Variants in ZNF704 observed in about 807,000 individuals in gnomAD.
The protein encoded by ZNF704 is glucocorticoid induced gene 1.
ZNF704 carries 10 observed loss-of-function variants against 44.7 expected under a neutral mutation model. The observed-to-expected ratio is 0.22, with a 90% CI of 0.14 to 0.38. ZNF704 has a LOEUF of 0.38. Ranked by LOEUF, ZNF704 falls within the 10% of genes least tolerant of loss-of-function variation. ZNF704 has a pLI of 1.00. For missense variants in ZNF704, 390 were observed against 545.5 expected (o/e 0.71, Z 2.84); for synonymous variants, 211 against 207.6 (o/e 1.02, Z -0.14).
intron 2 of ZNF704, among the ~76,000 whole-genome samples, chr8:80,819,825 C>T (rs1326749506): frequency 6.6e-6 from 1 of 151,860 alleles, no homozygotes; most frequent in Non-Finnish European, 1.5e-5. Context: ...AACTAAGAGG[C>T]CTATAATTTT....
Position 80,630,461 on chromosome 8 carries a change from T to C in ZNF704, c.*10905A>G, listed in dbSNP as rs569722929. On this transcript the variant is annotated 3_prime_UTR_variant, in exon 9 of 9. Transcript: ENST00000327835. ...TTCTACTGATTGCATTTCCACTAAATACCCCATTTTAAATATTTAATAATT... is the reference window on the plus strand; with the variant it reads ...TTCTACTGATTGCATTTCCACTAAACACCCCATTTTAAATATTTAATAATT... 6.6e-6 allele frequency: 1 copy of C among 152,372 alleles called. No homozygotes were observed. The highest frequency in any genetic ancestry group is 1.5e-5 in the Non-Finnish European group (1 of 68,038). The allele number at this position is 152,372 out of a possible 1,614,324, so 9.4% of individuals were successfully genotyped here. A position where few individuals can be genotyped will look rare whatever the true frequency, so the allele number is the denominator to read the frequency against.
chr8:80,852,178 G>A (rs954887728), intron 1 of ZNF704, among the ~76,000 whole-genome samples: 3 of 152,032 alleles, frequency 2.0e-5, no homozygotes, highest in East Asian at 1.9e-4. Context: ...ATCATCTCTT[G>A]GACCTTTAAA....
chr8:80,715,044 G>A (rs1563528795), intron 2 of ZNF704, among the ~76,000 whole-genome samples: 2 of 152,086 alleles, frequency 1.3e-5, no homozygotes, highest in Non-Finnish European at 2.9e-5. Flanking sequence ...CCAAAACTCT[G>A]ACCCATCAAA....
chr8:80,776,451 A>G (rs1426185785), intron 2 of ZNF704, among the ~76,000 whole-genome samples: 2 of 152,240 alleles, frequency 1.3e-5, no homozygotes, highest in African/African-American at 4.8e-5. Context: ...GCAGTTATTT[A>G]CTACATTTAT....
At chr8:80,646,106 T>A (rs1309542724) in intron 7 of ZNF704, among the ~76,000 whole-genome samples, 1 of 152,214 alleles carries the variant, frequency 6.6e-6, no homozygotes, top group East Asian at 1.9e-4. Context: ...AGGTTGTTAG[T>A]CAGTAAATTT....
rs187513172 is a variant in ZNF704, at chr8:80,760,357, T to C, written c.221+61017A>G. Among the ~76,000 whole-genome samples, 9 of 152,254 alleles carry C rather than the reference T, an allele frequency of 5.9e-5. No homozygotes were observed. In the East Asian group the frequency reaches 1.4e-3, roughly 23 times the overall value. ...GCACCTGTATTAGTCTGTTCTTGCA[T>C]TGCTATAAAGAAATACCTGGCCGGG... On this transcript the variant is annotated intron_variant, in intron 2 of 8. Transcript: ENST00000327835.
At chr8:80,837,986 T>C (rs1808609789) in intron 1 of ZNF704, among the ~76,000 whole-genome samples, 1 of 152,104 alleles carries the variant, frequency 6.6e-6, no homozygotes, top group Non-Finnish European at 1.5e-5. Context: ...AAACCTATCA[T>C]ACATCAACAG....
intron 2 of ZNF704, among the ~76,000 whole-genome samples, chr8:80,707,396 C>G (rs1818914766): frequency 6.6e-6 from 1 of 152,076 alleles, no homozygotes; most frequent in Non-Finnish European, 1.5e-5. Context: ...GGATTATAGG[C>G]CGACTACTCA....
chr8:80,784,845 G>A (rs900370557), intron 2 of ZNF704, among the ~76,000 whole-genome samples: 11 of 150,884 alleles, frequency 7.3e-5, no homozygotes, highest in Non-Finnish European at 1.3e-4. Context: ...CTTTCTCCAA[G>A]TTATCTTTAA....
chr8:80,793,714 CAATT>C (rs1474488483), intron 2 of ZNF704, among the ~76,000 whole-genome samples: 4 of 151,816 alleles, frequency 2.6e-5, no homozygotes, highest in East Asian at 1.9e-4. Context: ...ATAATAAAAA[CAATT>C]AATTGCATAA....
At chr8:80,696,714 G>T (rs746845436) in intron 2 of ZNF704, among the ~76,000 whole-genome samples, 2 of 152,156 alleles carry the variant, frequency 1.3e-5, no homozygotes, top group South Asian at 4.1e-4. Context: ...CAATGCGCCC[G>T]GCCAGATTTC....
chr8:80,882,992 C>T, the ZNF704 span, among the ~76,000 whole-genome samples: 1 of 144,118 alleles, frequency 6.9e-6, no homozygotes, highest in African/African-American at 2.6e-5. Flanking sequence ...AACTCCAGCA[C>T]TTTGGGAGGC....
intron 7 of ZNF704, among the ~76,000 whole-genome samples, chr8:80,647,953 T>C (rs1023416980): frequency 1.3e-5 from 2 of 152,188 alleles, no homozygotes; most frequent in Admixed American, 6.5e-5. Flanking sequence ...GAAATTTATT[T>C]TTTAAAGTTC....
At chr8:80,651,644 C>T (rs190974494) in intron 7 of ZNF704, among the ~76,000 whole-genome samples, 2 of 152,196 alleles carry the variant, frequency 1.3e-5, no homozygotes, top group African/African-American at 2.4e-5. Context: ...GCACCCAATA[C>T]AGGAGCAGCC....
intron 2 of ZNF704, among the ~76,000 whole-genome samples, chr8:80,696,555 T>C (rs1347347403): frequency 2.0e-5 from 3 of 152,138 alleles, no homozygotes; most frequent in South Asian, 2.1e-4. Context: ...GTAGCTGGGA[T>C]TACAGGCATG....
intron 2 of ZNF704, among the ~76,000 whole-genome samples, chr8:80,820,650 A>G (rs1808254621): frequency 6.6e-6 from 1 of 152,082 alleles, no homozygotes; most frequent in Non-Finnish European, 1.5e-5. Context: ...CTGTAATCTC[A>G]GGACTTTGGG....
At chr8:80,813,111 A>C (rs975202666) in intron 2 of ZNF704, among the ~76,000 whole-genome samples, 5 of 152,234 alleles carry the variant, frequency 3.3e-5, no homozygotes, top group African/African-American at 1.2e-4. Flanking sequence ...CAATCTGTGC[A>C]ACAAAGCCAA....
chr8:80,767,605 GA>G (rs952786447), intron 2 of ZNF704, among the ~76,000 whole-genome samples: 6 of 152,192 alleles, frequency 3.9e-5, no homozygotes, highest in Non-Finnish European at 5.9e-5. Context: ...CTTAATGTCT[GA>G]AATTGGTGTA....
At chr8:80,748,831 C>T (rs1034388738) in intron 2 of ZNF704, among the ~76,000 whole-genome samples, 6 of 152,138 alleles carry the variant, frequency 3.9e-5, no homozygotes, top group African/African-American at 1.4e-4. Flanking sequence ...ACATGTTCTC[C>T]AGCTTCTAGG....
Sources: gnomAD v4.1 joint callset for allele counts (sites outside exome capture counted in the v4.1 genomes callset) on GRCh38, gnomAD v4.1.1 for gene constraint, MANE v1.5 for transcripts, NCBI Gene and HGNC (gene_info 2026-07-23, HGNC 2026-07-21) for gene names.